DDHD2: variants seen among roughly 807,000 people sequenced by gnomAD.
The protein encoded by DDHD2 is DDHD domain containing 2.
DDHD2 carries 62 observed loss-of-function variants against 91.2 expected under a neutral mutation model. The ratio of observed to expected loss-of-function variants is 0.68; its 90% CI spans 0.55 to 0.84. The LOEUF is 0.84. Among genes scored for constraint, DDHD2 ranks in the 40% least tolerant of loss-of-function variants. DDHD2 has a pLI of 0.00. For synonymous variants in DDHD2, 271 were observed against 293.9 expected, an observed-to-expected ratio of 0.92 and a Z score of 0.80; for missense variants, 740 against 846.9, an observed-to-expected ratio of 0.87 and a Z score of 1.57.
At chr8:38,271,403 C>G (rs1416224222), downstream of DDHD2, 2 of 152,064 alleles carry the variant, frequency 1.3e-5, no homozygotes, top group African/African-American at 2.4e-5. Context: ...CATTATCCCC[C>G]CCCTTACCCT....
chr8:38,241,729 C>T (rs1371709916), intron 6 of DDHD2, among the ~76,000 whole-genome samples: 7 of 150,318 alleles, frequency 4.7e-5, no homozygotes, highest in Non-Finnish European at 8.9e-5. Flanking sequence ...TGAAGTTAGC[C>T]TTCTTTTGAT....
chr8:38,254,995 T>G (rs934500489), intron 16 of DDHD2, among the ~76,000 whole-genome samples: 2 of 151,938 alleles, frequency 1.3e-5, no homozygotes, highest in African/African-American at 4.8e-5. Flanking sequence ...AAATGAAAGC[T>G]CAGACCAGCA....
At chr8:38,269,281 CT>C (rs1288465913) in intron 1 of DDHD2, 11 of 1,296,916 alleles carry the variant, frequency 8.5e-6, no homozygotes, top group Non-Finnish European at 1.1e-5. Flanking sequence ...GCACCGCCCC[CT>C]CTCCCAGTTG....
At chr8:38,242,931 G>T (rs1805360051) in intron 7 of DDHD2, among the ~76,000 whole-genome samples, 1 of 152,118 alleles carries the variant, frequency 6.6e-6, no homozygotes, top group Non-Finnish European at 1.5e-5. Flanking sequence ...TTAAATTGAG[G>T]ATATCTAGCT....
At chr8:38,267,878 GT>G (rs3215009) in intron 1 of DDHD2, 115,974 of 1,613,158 alleles carry the variant, frequency 0.072, 4,790 homozygotes, top group South Asian at 0.13. Context: ...TGCTGGGGTG[GT>G]TAGCTGTTGT....
rs1806988367 is a variant in DDHD2, at chr8:38,261,124, T to C, written c.*551T>C. ...TTTGAACCTGCATTTCTTTCTTATG[T>C]GTAGTGTATGAAGAAAGACTAGAAT... On this transcript the variant is annotated 3_prime_UTR_variant, in exon 18 of 18. Coordinates refer to ENST00000397166, the MANE Select transcript of DDHD2 (RefSeq NM_015214.3). 1 of 152,204 alleles carries C rather than the reference T, an allele frequency of 6.6e-6. No homozygotes were observed. The highest frequency in any genetic ancestry group is 1.9e-4 in the East Asian group (1 of 5,194). The allele number at this position is 152,204 out of a possible 1,614,324, so 9.4% of individuals were successfully genotyped here.
At chr8:38,253,196 GTTAAT>G (rs113981683) in intron 15 of DDHD2, 69 bp downstream of exon 15, 18 of 1,402,650 alleles carry the variant, frequency 1.3e-5, no homozygotes, top group African/African-American at 2.9e-5. Flanking sequence ...GTTTTTCATA[GTTAAT>G]TTAATTTAAT....
downstream of DDHD2, chr8:38,265,079 C>T (rs1807378415): frequency 1.5e-6 from 1 of 689,556 alleles, no homozygotes; most frequent in Admixed American, 2.4e-5. Context: ...CCAGCCTGAC[C>T]AACAAGTGAA....
intron 7 of DDHD2, among the ~76,000 whole-genome samples, chr8:38,245,197 C>T (rs961081649): frequency 4.0e-5 from 6 of 151,370 alleles, no homozygotes; most frequent in East Asian, 1.9e-4. Context: ...TTTGGGAGGC[C>T]GAGGCAGGTA....
chr8:38,252,430 T>A, intron 13 of DDHD2, 143 bp downstream of exon 13: 1 of 951,124 alleles, frequency 1.1e-6, no homozygotes, highest in African/African-American at 1.6e-5. Context: ...GATTTGGAAG[T>A]GATGGAGCAG....
chr8:38,272,320 TAA>T (rs930987037), downstream of DDHD2: 5 of 152,024 alleles, frequency 3.3e-5, no homozygotes, highest in African/African-American at 1.2e-4. Context: ...TTTTGAGAAT[TAA>T]GATAAGAGTG....
chr8:38,269,329 C>G (rs1265856806), intron 1 of DDHD2: 2 of 986,726 alleles, frequency 2.0e-6, no homozygotes, highest in Non-Finnish European at 2.8e-6. Flanking sequence ...GACGGCCTGG[C>G]GGCTGTGCCG....
intron 1 of DDHD2, chr8:38,268,984 C>T (rs371826456): frequency 1.3e-6 from 2 of 1,572,724 alleles, no homozygotes; most frequent in Non-Finnish European, 8.6e-7. Flanking sequence ...GGAGCAGCTC[C>T]GTCACCCTAG....
At chr8:38,233,466 A>G (rs1372567335) in intron 2 of DDHD2, among the ~76,000 whole-genome samples, 1 of 151,598 alleles carries the variant, frequency 6.6e-6, no homozygotes, top group Non-Finnish European at 1.5e-5. Flanking sequence ...TTTTTTCCTT[A>G]GAGTTGGGGG....
chr8:38,247,979 A>G, intron 10 of DDHD2, 144 bp downstream of exon 10: 1 of 665,958 alleles, frequency 1.5e-6, no homozygotes, highest in Non-Finnish European at 2.3e-6. Flanking sequence ...TTTGCTTTTT[A>G]TCATATCAAG....
chr8:38,251,632 C>G (rs1228251943), intron 11 of DDHD2: 1 of 288,432 alleles, frequency 3.5e-6, no homozygotes, highest in African/African-American at 2.2e-5. Flanking sequence ...ATCTTGTTTT[C>G]TGAGGAAATC....
In DDHD2 at chr8:38,236,213, C is replaced by T. The variant is rs1393066785; in HGVS notation, c.412-1325C>T. On this transcript the variant is annotated intron_variant, in intron 3 of 17. Coordinates refer to ENST00000397166, the MANE Select transcript of DDHD2 (RefSeq NM_015214.3). ...ATTTTTAGTAGAGACGGGGTTTCAC[C>T]GTGTTAGCCAGGATGGTCTCAAGCT... 2.6e-5 allele frequency among the ~76,000 whole-genome samples: 4 copies of T among 151,726 alleles called. 1 individual carries two copies. The highest frequency in any genetic ancestry group is 4.8e-5 in the African/African-American group (2 of 41,306).
chr8:38,232,804 T>C (rs2130730858), intron 1 of DDHD2, among the ~76,000 whole-genome samples, 183 bp from the exon 2 acceptor site: 1 of 152,364 alleles, frequency 6.6e-6, no homozygotes, highest in South Asian at 2.1e-4. Flanking sequence ...AATAGAAGCA[T>C]TTTATTTAAA....
intron 3 of DDHD2, among the ~76,000 whole-genome samples, chr8:38,235,124 A>G (rs537082881): frequency 1.3e-5 from 2 of 152,344 alleles, no homozygotes; most frequent in East Asian, 1.9e-4. Context: ...CATGTGTTTC[A>G]TAACATTATT....
Sources: allele counts gnomAD v4.1 joint callset (sites outside exome capture counted in the v4.1 genomes callset), GRCh38; gene constraint gnomAD v4.1.1; transcripts MANE v1.5; gene names NCBI Gene and HGNC (gene_info 2026-07-23, HGNC 2026-07-21).